PTPRK: variants seen among roughly 807,000 people sequenced by gnomAD.
PTPRK encodes the protein protein tyrosine phosphatase receptor type K.
A neutral mutation model predicts 178.0 loss-of-function variants in PTPRK; 75 were observed. The observed-to-expected ratio is 0.42, with a 90% confidence interval of 0.35 to 0.51. The LOEUF (loss-of-function observed/expected upper bound fraction) is 0.51. Among genes scored for constraint, PTPRK ranks in the 20% least tolerant of loss-of-function variants. The pLI, the probability that PTPRK is intolerant of heterozygous loss-of-function variation, is 0.02. For missense variants in PTPRK, 1,441 were observed against 1,797.8 expected (o/e 0.80, Z 3.59); for synonymous variants, 637 against 620.6 (o/e 1.03, Z -0.39).
At chr6:128,101,664 T>C (rs1178339592) in intron 7 of PTPRK, among the ~76,000 whole-genome samples, 1 of 152,100 alleles carries the variant, frequency 6.6e-6, no homozygotes, top group Non-Finnish European at 1.5e-5. Flanking sequence ...TTTCCTAGGA[T>C]GAACAAAATA....
intron 1 of PTPRK, among the ~76,000 whole-genome samples, chr6:128,462,811 A>G (rs1478043364): frequency 1.3e-5 from 2 of 151,720 alleles, no homozygotes; most frequent in Admixed American, 6.6e-5. Context: ...ACCTGCCACC[A>G]CACCCAGCTA....
chr6:128,013,159 G>A lies in PTPRK; in HGVS notation c.2195-3891C>T, dbSNP rs74865146. Among the ~76,000 whole-genome samples, 522 of 151,328 alleles carry A rather than the reference G, an allele frequency of 3.4e-3. 1 individual carries two copies. Among genetic ancestry groups the A allele is most frequent in the Middle Eastern group, 6.8e-3 (2 of 294 alleles). ...CTTTCTTGGAACACCCTTTTCCTGG[G>A]ACTTCCATGAACTTGGGTACCTCCT... On this transcript the variant is annotated intron_variant, in intron 13 of 29. Transcript: ENST00000368226.
intron 7 of PTPRK, among the ~76,000 whole-genome samples, chr6:128,138,998 A>T (rs191205636): frequency 2.0e-5 from 3 of 152,244 alleles, no homozygotes; most frequent in Non-Finnish European, 4.4e-5. Context: ...AGGAATACAC[A>T]CAGTGGAATC....
intron 10 of PTPRK, among the ~76,000 whole-genome samples, chr6:128,079,617 T>G: frequency 6.6e-6 from 1 of 152,038 alleles, no homozygotes; most frequent in East Asian, 1.9e-4. Context: ...TAGAAAGCTG[T>G]TTAAGGAGTA....
intron 3 of PTPRK, among the ~76,000 whole-genome samples, chr6:128,294,614 T>C (rs1320630783): frequency 2.6e-5 from 4 of 152,118 alleles, no homozygotes; most frequent in Non-Finnish European, 5.9e-5. Context: ...ACAAAGTTTA[T>C]TGCATTTCAT....
chr6:128,471,556 T>C (rs1249201571), intron 1 of PTPRK, among the ~76,000 whole-genome samples: 2 of 128,874 alleles, frequency 1.6e-5, no homozygotes, highest in East Asian at 4.3e-4. Context: ...AATTATAAAT[T>C]ACTGAAAAAT....
At chr6:128,363,974 G>A (rs1835122423) in intron 2 of PTPRK, among the ~76,000 whole-genome samples, 3 of 151,996 alleles carry the variant, frequency 2.0e-5, no homozygotes, top group Non-Finnish European at 4.4e-5. Flanking sequence ...CACTTCAAAA[G>A]TAGAAGGAAT....
At chr6:128,114,589 C>T (rs910480116) in intron 7 of PTPRK, among the ~76,000 whole-genome samples, 4 of 149,658 alleles carry the variant, frequency 2.7e-5, no homozygotes, top group Non-Finnish European at 5.9e-5. Context: ...CGCCACTGCA[C>T]TCCAGCCTGG....
chr6:128,480,324 C>T (rs1368834404), intron 1 of PTPRK, among the ~76,000 whole-genome samples: 1 of 152,122 alleles, frequency 6.6e-6, no homozygotes, highest in Admixed American at 6.6e-5. Context: ...TCTTCTTCCC[C>T]CAACAATAAG....
At chr6:128,011,485 C>T (rs867690535) in intron 13 of PTPRK, among the ~76,000 whole-genome samples, 4 of 150,898 alleles carry the variant, frequency 2.7e-5, no homozygotes, top group African/African-American at 7.3e-5. Context: ...TATTATGAGT[C>T]GCATATGCTA....
At chr6:128,255,613 C>T (rs1817156333) in intron 3 of PTPRK, among the ~76,000 whole-genome samples, 1 of 152,178 alleles carries the variant, frequency 6.6e-6, no homozygotes, top group Non-Finnish European at 1.5e-5. Context: ...CTCCACATAT[C>T]GGCATTAAAG....
intron 1 of PTPRK, among the ~76,000 whole-genome samples, chr6:128,470,210 T>C (rs1371237778): frequency 2.0e-5 from 3 of 151,840 alleles, no homozygotes; most frequent in African/African-American, 7.3e-5. Flanking sequence ...CATGGTCTAT[T>C]TCAGACCCCA....
At chr6:128,103,373 A>G (rs1161451548) in intron 7 of PTPRK, among the ~76,000 whole-genome samples, 1 of 152,110 alleles carries the variant, frequency 6.6e-6, no homozygotes, top group African/African-American at 2.4e-5. Context: ...GGGTACCAAG[A>G]AGGCACTGAG....
chr6:128,161,394 T>A (rs1798688256), intron 7 of PTPRK, among the ~76,000 whole-genome samples: 1 of 151,548 alleles, frequency 6.6e-6, no homozygotes, highest in African/African-American at 2.4e-5. Context: ...AGACTCCAAT[T>A]ACTTTGCTTC....
intron 2 of PTPRK, among the ~76,000 whole-genome samples, chr6:128,346,488 G>A (rs1008991214): frequency 6.6e-6 from 1 of 152,010 alleles, no homozygotes; most frequent in Non-Finnish European, 1.5e-5. Flanking sequence ...CTGATATAAA[G>A]TCCCAATCTA....
intron 1 of PTPRK, among the ~76,000 whole-genome samples, chr6:128,452,323 C>T (rs1473428508): frequency 1.3e-5 from 2 of 152,162 alleles, no homozygotes; most frequent in East Asian, 3.8e-4. Context: ...AAAATATACA[C>T]AAGTGCATTT....
intron 1 of PTPRK, among the ~76,000 whole-genome samples, chr6:128,517,647 T>C (rs1233815263): frequency 6.6e-6 from 1 of 152,192 alleles, no homozygotes; most frequent in African/African-American, 2.4e-5. Context: ...CACTCTTACA[T>C]TTTTGGTTTA....
rs1192833802 is a variant in PTPRK at position 128,143,873 on chromosome 6, T to G, written c.1162+40559A>C. On this transcript the variant is annotated intron_variant, in intron 7 of 29. Transcript: ENST00000368226. Reference sequence around the variant, plus strand: ...GCACTTGTAATAAAACAGCTGAAAGTGGCTGGATTTAACAACAATGACAAA... The same window carrying G: ...GCACTTGTAATAAAACAGCTGAAAGGGGCTGGATTTAACAACAATGACAAA... Among the ~76,000 whole-genome samples the G allele has an allele frequency of 7.2e-5, 11 of 152,318 alleles. No homozygotes were observed. The East Asian group carries it at 2.1e-3, about 29-fold the overall frequency.
At chr6:128,143,889 CAAT>C (rs1455676665) in intron 7 of PTPRK, among the ~76,000 whole-genome samples, 1 of 152,190 alleles carries the variant, frequency 6.6e-6, no homozygotes, top group East Asian at 1.9e-4. Context: ...GATTTAACAA[CAAT>C]GACAAACGTA....
Sources: allele counts gnomAD v4.1 joint callset (sites outside exome capture counted in the v4.1 genomes callset), GRCh38; gene constraint gnomAD v4.1.1; transcripts MANE v1.5; gene names NCBI Gene and HGNC (gene_info 2026-07-23, HGNC 2026-07-21).